The following ERCC5 variants were observed in gnomAD, a reference collection of about 807,000 sequenced individuals.
The protein encoded by ERCC5 is DNA excision repair protein ERCC-5.
A neutral mutation model predicts 105.6 loss-of-function variants in ERCC5; 68 were observed. The observed-to-expected ratio is 0.64, with a 90% CI of 0.53 to 0.79. The LOEUF is 0.79. Ranked by LOEUF, ERCC5 falls within the 30% of genes least tolerant of loss-of-function variation. The pLI, the probability that ERCC5 is intolerant of heterozygous loss-of-function variation, is 0.00. For missense variants in ERCC5, 1,373 were observed against 1,426.7 expected (o/e 0.96, Z 0.61); for synonymous variants, 546 against 526.2 (o/e 1.04, Z -0.51).
At position 102,862,509 on chromosome 13, in the gene ERCC5, G is replaced by A. The variant is rs2140527739; in HGVS notation, c.1360G>A (p.Ala454Thr). Residue 454 changes from alanine (A) to threonine (T), a missense_variant, in exon 8 of 15, where the codon GCA becomes ACA. Coordinates refer to ENST00000652225, the MANE Select transcript of ERCC5 (RefSeq NM_000123.4). ...ATLASSSVNSAEEHVASTNEG... is the reference protein window; with the variant it reads ...ATLASSSVNSTEEHVASTNEG... ...ACTTGCGTCATCTAGTGTGAACTCT[G>A]CAGAGGAGCACGTAGCCAGCACTAA... 2 of 1,614,170 alleles carry A rather than the reference G, an allele frequency of 1.2e-6. No homozygotes were observed. Among genetic ancestry groups the A allele is most frequent in the South Asian group, 2.2e-5 (2 of 91,074 alleles).
chr13:102,866,012 G>T, intron 9 of ERCC5, 101 bp downstream of exon 9: 1 of 1,603,314 alleles, frequency 6.2e-7, no homozygotes, highest in Non-Finnish European at 8.5e-7. Context: ...GTAGCTATTT[G>T]CAGTACATCT....
At position 102,862,149 on chromosome 13, in the gene ERCC5, G is replaced by A. The variant is rs768717246; in HGVS notation, c.1000G>A (p.Glu334Lys). 13 of 1,614,086 alleles carry A rather than the reference G, an allele frequency of 8.1e-6. No individual in the cohort carries two copies. Among genetic ancestry groups the A allele is most frequent in the Middle Eastern group, 1.6e-4 (1 of 6,084 alleles). Reference sequence around the variant, plus strand: ...ATGTGAAAAACTGAAGACAGAGAAAGAGCCTGATGCTACCCCTCCTTCTCC... The same window carrying A: ...ATGTGAAAAACTGAAGACAGAGAAAAAGCCTGATGCTACCCCTCCTTCTCC... ...SPCEKLKTEK[E>K]PDATPPSPRT... The change falls in exon 8 of 15, where the codon GAG (glutamate) becomes AAG (lysine). Residue 334 changes from glutamate (E) to lysine (K), a missense_variant. This residue lies in a region of ERCC5 where 1,004 missense variants were observed against 1,059.7 expected (regional missense o/e 0.95). Transcript: ENST00000652225.
chr13:102,873,227 T>A, intron 13 of ERCC5, 32 bp from the exon 14 acceptor site: 4 of 1,613,196 alleles, frequency 2.5e-6, no homozygotes, highest in Non-Finnish European at 3.4e-6. Context: ...TAAATATCTT[T>A]CAAAATATTT....
At position 102,846,331 on chromosome 13, in the gene ERCC5, TGGAAG is replaced by T; in HGVS notation, c.71_75del (p.Gly24AspfsTer5). ...GGGCGGCAGGTCAGCCCCGAAGCGC[TGGAAG>T]GGAAGATCCTGGCTGTTGGTATCCT... On this transcript the variant is annotated frameshift_variant, in exon 1 of 15. Coordinates refer to ENST00000652225, the MANE Select transcript of ERCC5 (RefSeq NM_000123.4). LOFTEE classifies it high-confidence loss of function. 2 of 1,614,078 alleles carry T rather than the reference TGGAAG, an allele frequency of 1.2e-6. No individual in the cohort carries two copies. Among genetic ancestry groups the T allele is most frequent in the Non-Finnish European group, 1.7e-6 (2 of 1,179,986 alleles).
At chr13:102,852,648 T>C (rs1401145807) in intron 2 of ERCC5, among the ~76,000 whole-genome samples, 1 of 152,192 alleles carries the variant, frequency 6.6e-6, no homozygotes, top group Admixed American at 6.5e-5. Flanking sequence ...GGGAAGTGCC[T>C]CCCTGAATCT....
chr13:102,856,875 GAA>G (rs1882443402), intron 5 of ERCC5, among the ~76,000 whole-genome samples: 1 of 152,214 alleles, frequency 6.6e-6, no homozygotes, highest in African/African-American at 2.4e-5. Flanking sequence ...CATCCCAAGA[GAA>G]AGTTCTAAGC....
Position 102,858,343 on chromosome 13 carries a change from A to G in ERCC5, c.597A>G (p.Glu199=). 1 of 1,614,192 alleles carries G rather than the reference A, an allele frequency of 6.2e-7. No homozygotes were observed. The highest frequency in any genetic ancestry group is 1.1e-5 in the South Asian group (1 of 91,080). Residue 199 remains glutamate (E), a synonymous_variant, in exon 6 of 15, where the codon GAA becomes GAG. Transcript: ENST00000652225. ...ESEDFSSLPP[E]VKHEILTDMK... The stretch of plus-strand genomic sequence containing the variant: ...AGGACTTCAGCAGCCTGCCCCCTGA[A>G]GTAAAGCATGAAATCTTGACTGATA...
At chr13:102,858,079 A>G (rs1882490538) in intron 5 of ERCC5, among the ~76,000 whole-genome samples, 196 bp from the exon 6 acceptor site, 1 of 152,190 alleles carries the variant, frequency 6.6e-6, no homozygotes, top group African/African-American at 2.4e-5. Flanking sequence ...TGAATGAATT[A>G]AAGAGTGAAT....
intron 2 of ERCC5, 24 bp from the exon 3 acceptor site, chr13:102,853,733 A>T (rs759317041): frequency 6.2e-7 from 1 of 1,606,794 alleles, no homozygotes. Flanking sequence ...CTGAAGTGAG[A>T]TCTTACATCC....
chr13:102,871,814 A>G (rs1202139632), intron 12 of ERCC5, among the ~76,000 whole-genome samples: 1 of 152,190 alleles, frequency 6.6e-6, no homozygotes, highest in Non-Finnish European at 1.5e-5. Context: ...GACCCAGAGA[A>G]GTTGTAACTT....
At chr13:102,858,803 T>A (rs1278350968) in intron 6 of ERCC5, 2 of 432,976 alleles carry the variant, frequency 4.6e-6, no homozygotes, top group East Asian at 1.4e-4. Flanking sequence ...AATTCTTAGG[T>A]TAGGTCATAA....
chr13:102,860,028 A>G (rs1333645584), intron 6 of ERCC5, among the ~76,000 whole-genome samples: 1 of 152,182 alleles, frequency 6.6e-6, no homozygotes, highest in African/African-American at 2.4e-5. Flanking sequence ...TTTGTCTAGC[A>G]TCTCCGTGCT....
At chr13:102,861,982 G>A (rs369808253) in intron 7 of ERCC5, 48 bp from the exon 8 acceptor site, 21 of 1,606,270 alleles carry the variant, frequency 1.3e-5, no homozygotes, top group Non-Finnish European at 1.7e-5. Context: ...GAAGCGTATT[G>A]TCACACTGTA....
chr13:102,866,755 C>T lies in ERCC5; in HGVS notation c.2443C>T (p.Leu815=). ...GTITDDSDIW[L]FGARHVYRNF... ...CATCACTGATGACAGTGATATCTGGCTGTTTGGAGCGCGGCATGTCTATAG... is the reference window on the plus strand; with the variant it reads ...CATCACTGATGACAGTGATATCTGGTTGTTTGGAGCGCGGCATGTCTATAG... The change falls in exon 11 of 15, where the codon CTG becomes TTG. Residue 815 remains leucine, a synonymous_variant. Transcript: ENST00000652225. 2 of 1,614,238 alleles carry T rather than the reference C, an allele frequency of 1.2e-6. No homozygotes were observed. The highest frequency in any genetic ancestry group is 8.5e-7 in the Non-Finnish European group (1 of 1,180,028).
intron 4 of ERCC5, among the ~76,000 whole-genome samples, chr13:102,855,730 T>G (rs114907941): frequency 3.3e-5 from 5 of 152,344 alleles, no homozygotes; most frequent in African/African-American, 1.2e-4. Flanking sequence ...TCCCTACAAC[T>G]ACACTCATTA....
At chr13:102,850,032 C>T (rs1474403495) in intron 1 of ERCC5, among the ~76,000 whole-genome samples, 3 of 151,934 alleles carry the variant, frequency 2.0e-5, no homozygotes, top group Non-Finnish European at 4.4e-5. Flanking sequence ...ACCTTCGCCT[C>T]CCAGGTTCAA....
At chr13:102,858,752 A>G (rs547973273) in intron 6 of ERCC5, among the ~76,000 whole-genome samples, 1 of 152,306 alleles carries the variant, frequency 6.6e-6, no homozygotes, top group South Asian at 2.1e-4. Flanking sequence ...CTAGCTCAGT[A>G]TTTTTCACAT....
chr13:102,851,094 CTACTT>C (rs1040188126), intron 1 of ERCC5, among the ~76,000 whole-genome samples: 1 of 152,100 alleles, frequency 6.6e-6, no homozygotes, highest in African/African-American at 2.4e-5. Context: ...GACATAATAT[CTACTT>C]TAATATTTTG....
intron 1 of ERCC5, among the ~76,000 whole-genome samples, chr13:102,850,780 G>A (rs1485330587): frequency 1.3e-5 from 2 of 152,096 alleles, no homozygotes; most frequent in Non-Finnish European, 2.9e-5. Flanking sequence ...CTGTTCTGGG[G>A]TCAGGAGCGT....
Sources: gnomAD v4.1 joint callset for allele counts (sites outside exome capture counted in the v4.1 genomes callset) on GRCh38, gnomAD v4.1.1 for gene constraint, gnomAD v4.1.1 regional missense constraint, MANE v1.5 for transcripts, NCBI Gene and HGNC (gene_info 2026-07-23, HGNC 2026-07-21) for gene names.